FAP: variants seen among roughly 807,000 people sequenced by gnomAD.
The protein encoded by FAP is prolyl endopeptidase FAP.
A neutral mutation model predicts 126.5 loss-of-function variants in FAP; 110 were observed. That is an observed-to-expected ratio of 0.87 (90% confidence interval 0.74 to 1.02). FAP has a LOEUF of 1.02. Among genes scored for constraint, FAP ranks in the 50% least tolerant of loss-of-function variants. The probability of loss-of-function intolerance (pLI) is 0.00; values close to 1 mark genes in which losing one functional copy is unlikely to be tolerated. For synonymous variants in FAP, 334 were observed against 297.3 expected, an observed-to-expected ratio of 1.12 and a Z score of -1.27; for missense variants, 919 against 909.2, an observed-to-expected ratio of 1.01 and a Z score of -0.14.
At chr2:162,233,975 G>T (rs924285528) in intron 2 of FAP, among the ~76,000 whole-genome samples, 24 of 152,036 alleles carry the variant, frequency 1.6e-4, no homozygotes, top group African/African-American at 5.3e-4. Context: ...GACTTTTCCC[G>T]TTGAATTGTC....
In FAP at chr2:162,201,071, G is replaced by T. The variant is rs181410191; in HGVS notation, c.1224-452C>A. ...TATCACACTGGATACCACACACAGG[G>T]CATGTCAATTTAGCCAGATGCAAAA... On this transcript the variant is annotated intron_variant, in intron 14 of 25. Coordinates refer to ENST00000188790, the MANE Select transcript of FAP (RefSeq NM_004460.5). 2.0e-4 allele frequency among the ~76,000 whole-genome samples: 31 copies of T among 152,222 alleles called. No homozygotes were observed. The East Asian group carries it at 5.8e-3, about 28-fold the overall frequency.
rs578081808 is a variant in FAP, at chr2:162,238,770, G to A, written c.91+4138C>T. Among the ~76,000 whole-genome samples the A allele has an allele frequency of 1.5e-3, 229 of 152,108 alleles. 1 individual carries two copies. Among genetic ancestry groups the A allele is most frequent in the Admixed American group, 4.5e-3 (69 of 15,276 alleles). ...TCCTTTGAAGATGATTTTATCTCAC[G>A]TATATCTTATTTTACCAAAGGTGAT... On this transcript the variant is annotated intron_variant, in intron 2 of 25. Coordinates refer to ENST00000188790, the MANE Select transcript of FAP (RefSeq NM_004460.5).
intron 24 of FAP, 98 bp from the exon 25 acceptor site, chr2:162,172,982 C>A: frequency 8.8e-7 from 1 of 1,135,258 alleles, no homozygotes; most frequent in South Asian, 1.2e-5. Flanking sequence ...ATTATCTAGT[C>A]ATGCATTTGA....
chr2:162,189,690 T>C lies in FAP; in HGVS notation c.1515A>G (p.Lys505=), dbSNP rs761385741. ...CTACTTCAAGTTTCTTAATTTCCTC[T>C]TTAGGCAGCTGGATATTTTTCAAAG... ...ENALKNIQLP[K]EEIKKLEVDE... The change falls in exon 18 of 26, where the codon AAA becomes AAG. Residue 505 remains lysine, a synonymous_variant. Coordinates refer to ENST00000188790, the MANE Select transcript of FAP (RefSeq NM_004460.5). 3 of 1,590,752 alleles carry C rather than the reference T, an allele frequency of 1.9e-6. No individual in the cohort carries two copies.
intron 21 of FAP, among the ~76,000 whole-genome samples, chr2:162,178,533 C>T (rs1196447080): frequency 1.3e-5 from 2 of 152,154 alleles, no homozygotes; most frequent in Non-Finnish European, 2.9e-5. Flanking sequence ...GGAGCAAAAT[C>T]GCCCGGTTAA....
At chr2:162,214,097 A>G in intron 10 of FAP, 24 bp from the exon 11 acceptor site, 1 of 1,612,244 alleles carries the variant, frequency 6.2e-7, no homozygotes, top group Non-Finnish European at 8.5e-7. Flanking sequence ...AGAAACAGGT[A>G]GTCACAACCA....
intron 2 of FAP, among the ~76,000 whole-genome samples, chr2:162,229,305 C>T (rs986889911): frequency 5.9e-5 from 9 of 152,084 alleles, no homozygotes; most frequent in South Asian, 2.1e-4. Context: ...TTAGCATTAT[C>T]GTAACTCATC....
chr2:162,203,136 A>T lies in FAP; in HGVS notation c.1057T>A (p.Ser353Thr), dbSNP rs1350920483. 1 of 1,609,648 alleles carries T rather than the reference A, an allele frequency of 6.2e-7. No individual in the cohort carries two copies. Among genetic ancestry groups the T allele is most frequent in the African/African-American group, 1.3e-5 (1 of 74,810 alleles). The stretch of plus-strand genomic sequence containing the variant: ...GCATCATAGCTGAAAACTGGTGTTG[A>T]AACAAAGAACTGAAAAAAATTAGCA... ...RTGWAGGFFV[S>T]TPVFSYDAIS... is the part of the protein sequence containing the mutation. Residue 353 changes from serine to threonine, a missense_variant, in exon 13 of 26, where the codon TCA becomes ACA. By Grantham distance (58) the Ser-to-Thr change is moderately conservative. Coordinates refer to ENST00000188790, the MANE Select transcript of FAP (RefSeq NM_004460.5).
In FAP at chr2:162,219,866, A is replaced by G. The variant is rs1296784814; in HGVS notation, c.473T>C (p.Val158Ala). The change falls in exon 7 of 26, where the codon GTT (valine) becomes GCT (alanine). Residue 158 changes from valine (V) to alanine (A), a missense_variant. By Grantham distance (64) the Val-to-Ala change is moderately conservative. Coordinates refer to ENST00000188790, the MANE Select transcript of FAP (RefSeq NM_004460.5). ...RPIQYLCWSP[V>A]GSKLAYVYQN... ...TTAAACACTTACTAATTTACTCCCA[A>G]CAGGCGACCAGCATAAATACTGAAT... 1.9e-6 allele frequency: 3 copies of G among 1,609,896 alleles called. No homozygotes were observed. Among genetic ancestry groups the G allele is most frequent in the Admixed American group, 1.7e-5 (1 of 59,916 alleles).
intron 21 of FAP, 167 bp from the exon 22 acceptor site, chr2:162,175,133 G>A: frequency 1.8e-6 from 1 of 542,484 alleles, no homozygotes. Context: ...TCAGATAAAT[G>A]ACCAGACATA....
intron 6 of FAP, 52 bp from the exon 7 acceptor site, chr2:162,219,977 A>C: frequency 8.2e-7 from 1 of 1,226,826 alleles, no homozygotes; most frequent in African/African-American, 1.5e-5. Flanking sequence ...TTAATGCAAA[A>C]AAATAATAAT....
At chr2:162,230,003 T>G (rs1030882118) in intron 2 of FAP, among the ~76,000 whole-genome samples, 9 of 152,178 alleles carry the variant, frequency 5.9e-5, no homozygotes, top group African/African-American at 1.9e-4. Context: ...TATGTGGGAA[T>G]GGATTTCAGG....
chr2:162,197,907 C>G (rs1167123084), intron 16 of FAP, among the ~76,000 whole-genome samples: 7 of 152,152 alleles, frequency 4.6e-5, no homozygotes, highest in Non-Finnish European at 8.8e-5. Context: ...AGGGAGGTGA[C>G]AGAGATTGGA....
chr2:162,243,140 C>A, intron 1 of FAP, 148 bp from the exon 2 acceptor site: 4 of 807,838 alleles, frequency 5.0e-6, no homozygotes, highest in Non-Finnish European at 8.1e-6. Context: ...TGCTGGAATT[C>A]TTCCAGCTCT....
intron 12 of FAP, among the ~76,000 whole-genome samples, chr2:162,209,258 T>A (rs1332408364): frequency 1.3e-5 from 2 of 152,184 alleles, no homozygotes; most frequent in Non-Finnish European, 2.9e-5. Flanking sequence ...AATTGAATTA[T>A]GTGTTTGTGG....
chr2:162,190,817 T>A (rs1226071536), intron 17 of FAP, among the ~76,000 whole-genome samples: 1 of 152,080 alleles, frequency 6.6e-6, no homozygotes, highest in African/African-American at 2.4e-5. Flanking sequence ...GTAACTATAC[T>A]AAGTTTGCCA....
chr2:162,240,614 G>A (rs530713716), intron 2 of FAP, among the ~76,000 whole-genome samples: 6 of 152,326 alleles, frequency 3.9e-5, no homozygotes, highest in Admixed American at 3.9e-4. Context: ...ATATGTAAAT[G>A]AATGAATGAA....
intron 4 of FAP, 43 bp downstream of exon 4, chr2:162,225,440 T>C (rs758019607): frequency 2.5e-6 from 4 of 1,574,496 alleles, no homozygotes; most frequent in Non-Finnish European, 3.5e-6. Flanking sequence ...CAATGAAGAG[T>C]GGGCAAAGGT....
At chr2:162,183,675 G>T (rs1359694203) in intron 20 of FAP, 3 of 482,370 alleles carry the variant, frequency 6.2e-6, no homozygotes, top group Non-Finnish European at 1.1e-5. Flanking sequence ...CTTAGACTCT[G>T]TTGTACAGTT....
Sources: gnomAD v4.1 joint callset for allele counts (sites outside exome capture counted in the v4.1 genomes callset) on GRCh38, gnomAD v4.1.1 for gene constraint, MANE v1.5 for transcripts, NCBI Gene and HGNC (gene_info 2026-07-23, HGNC 2026-07-21) for gene names.